TET2: variants seen among roughly 807,000 people sequenced by gnomAD.
TET2 encodes the protein methylcytosine dioxygenase TET2.
Under a neutral mutation model 142.9 loss-of-function variants are expected in TET2, and 299 were observed. The ratio of observed to expected loss-of-function variants is 2.09; its 90% CI spans 1.90 to 2.30. TET2 has a LOEUF of 2.30. Ranked by LOEUF, TET2 falls within the 30% of genes most tolerant of loss-of-function variation. The probability of loss-of-function intolerance (pLI) is 0.00; values close to 1 mark genes in which losing one functional copy is unlikely to be tolerated. For synonymous variants in TET2, 819 were observed against 849.0 expected, an observed-to-expected ratio of 0.96 and a Z score of 0.61; for missense variants, 2,418 against 2,378.0, an observed-to-expected ratio of 1.02 and a Z score of -0.35.
intron 2 of TET2, among the ~76,000 whole-genome samples, chr4:105,204,264 CACACAT>C (rs1427371785): frequency 3.2e-4 from 45 of 142,038 alleles, no homozygotes; most frequent in Non-Finnish European, 4.8e-4. Flanking sequence ...CACACACACA[CACACAT>C]ACATACATAC....
At chr4:105,222,377 T>C (rs1456343685) in intron 2 of TET2, among the ~76,000 whole-genome samples, 1 of 152,366 alleles carries the variant, frequency 6.6e-6, no homozygotes, top group Admixed American at 6.5e-5. Context: ...CCAGCACTTG[T>C]TGTGTCCTCA....
At chr4:105,208,568 C>T (rs1421715887) in intron 2 of TET2, among the ~76,000 whole-genome samples, 4 of 152,170 alleles carry the variant, frequency 2.6e-5, no homozygotes, top group Middle Eastern at 3.4e-3. Context: ...TTTAATTAGG[C>T]GTCTTTGCCA....
chr4:105,252,126 T>G (rs1729896904), intron 6 of TET2, among the ~76,000 whole-genome samples: 4 of 152,206 alleles, frequency 2.6e-5, no homozygotes, highest in Admixed American at 2.6e-4. Flanking sequence ...CATTCACCAT[T>G]ACAGTATCAT....
chr4:105,201,247 A>G (rs1726444249), intron 2 of TET2, among the ~76,000 whole-genome samples: 1 of 152,210 alleles, frequency 6.6e-6, no homozygotes, highest in Admixed American at 6.5e-5. Context: ...CCTATTAAAC[A>G]AAATTATCTC....
chr4:105,185,013 T>C (rs1174086814), intron 1 of TET2, among the ~76,000 whole-genome samples: 1 of 152,202 alleles, frequency 6.6e-6, no homozygotes, highest in East Asian at 1.9e-4. Flanking sequence ...GTCCCTTTTT[T>C]GTAACGGAAG....
Position 105,275,112 on chromosome 4 carries a change from GC to G in TET2, c.4604del (p.Pro1535HisfsTer36). Reference sequence around the variant, plus strand: ...AGCAGCCCCAGCCTCTACAGAAGCAGCCACCACAGCCCCAGCAGCAGCAGAG... The same window carrying G: ...AGCAGCCCCAGCCTCTACAGAAGCAGCACCACAGCCCCAGCAGCAGCAGAG... ...SQQPQPLQKQ[P>X]PQPQQQQRPQ... On this transcript the variant is annotated frameshift_variant, in exon 11 of 11. Coordinates refer to ENST00000380013, the MANE Select transcript of TET2 (RefSeq NM_001127208.3). LOFTEE classifies it low-confidence loss of function (END_TRUNC). 6.4e-7 allele frequency: 1 copy of G among 1,551,354 alleles called. No homozygotes were observed. The highest frequency in any genetic ancestry group is 8.7e-7 in the Non-Finnish European group (1 of 1,146,800).
intron 1 of TET2, chr4:105,147,796 C>G (rs1723099620): frequency 7.5e-6 from 1 of 133,924 alleles, no homozygotes; most frequent in South Asian, 2.6e-4. Flanking sequence ...CGTTTGGTTC[C>G]TTGGTAAGTG....
At chr4:105,255,463 G>A (rs1269433712) in intron 6 of TET2, among the ~76,000 whole-genome samples, 1 of 152,120 alleles carries the variant, frequency 6.6e-6, no homozygotes, top group East Asian at 1.9e-4. Flanking sequence ...TTCAGCTGTT[G>A]GTGGGTGGCA....
chr4:105,275,493 T>G lies in TET2; in HGVS notation c.4983T>G (p.Tyr1661Ter). ...PQSQPMDLYR[Y>*]PSQDPLSKLS... The stretch of plus-strand genomic sequence containing the variant: ...CTCAGCCGATGGATCTGTATAGGTA[T>G]CCAAGCCAAGACCCTCTGTCTAAGC... Residue 1661 changes from tyrosine to a stop codon, truncating the protein, a stop_gained, in exon 11 of 11, where the codon TAT (tyrosine) becomes TAG (stop). Coordinates refer to ENST00000380013, the MANE Select transcript of TET2 (RefSeq NM_001127208.3). LOFTEE classifies it low-confidence loss of function (END_TRUNC). The G allele has an allele frequency of 6.4e-7, 1 of 1,551,700 alleles. No homozygotes were observed. The highest frequency in any genetic ancestry group is 8.7e-7 in the Non-Finnish European group (1 of 1,146,986).
chr4:105,154,943 C>G (rs929402727), intron 1 of TET2, among the ~76,000 whole-genome samples: 3 of 151,888 alleles, frequency 2.0e-5, no homozygotes, highest in East Asian at 3.9e-4. Context: ...GAGGATGGCT[C>G]GAGCCTGGGA....
chr4:105,165,037 A>G (rs1724080871), intron 1 of TET2, among the ~76,000 whole-genome samples: 1 of 152,172 alleles, frequency 6.6e-6, no homozygotes, highest in African/African-American at 2.4e-5. Context: ...ATTTTGTATC[A>G]TATTTTCAGG....
intron 2 of TET2, among the ~76,000 whole-genome samples, chr4:105,222,991 G>C (rs1290540820): frequency 6.6e-6 from 1 of 152,076 alleles, no homozygotes; most frequent in Non-Finnish European, 1.5e-5. Context: ...CCCATTTCTT[G>C]TTTTTCTCAG....
intron 6 of TET2, among the ~76,000 whole-genome samples, chr4:105,249,077 G>A (rs79106814): frequency 0.088 from 13,142 of 149,334 alleles, 1,691 homozygotes; most frequent in African/African-American, 0.28. Context: ...GCCCAGGCTA[G>A]GGTGCAATGG....
chr4:105,223,838 A>G (rs775825761), intron 2 of TET2, among the ~76,000 whole-genome samples: 4 of 152,284 alleles, frequency 2.6e-5, no homozygotes, highest in East Asian at 1.9e-4. Context: ...AGAGAGATAC[A>G]CAGTGATTCC....
intron 4 of TET2, 46 bp from the exon 5 acceptor site, chr4:105,242,788 T>G: frequency 6.5e-7 from 1 of 1,531,716 alleles, no homozygotes; most frequent in South Asian, 1.3e-5. Flanking sequence ...CCTCTTGAAT[T>G]CATTTGCTAA....
In TET2 at chr4:105,235,427, A is replaced by G. The variant is rs774761313; in HGVS notation, c.1485A>G (p.Thr495=). 1.3e-5 allele frequency: 21 copies of G among 1,614,224 alleles called. No homozygotes were observed. Among genetic ancestry groups the G allele is most frequent in the Non-Finnish European group, 1.7e-5 (20 of 1,180,028 alleles). The change falls in exon 3 of 11, where the codon ACA becomes ACG. Residue 495 remains threonine (T), a synonymous_variant. Transcript: ENST00000380013. ...VNRNDIQTAG[T]MTVPLCSEKT... ...GGAATGACATACAGACTGCAGGGAC[A>G]ATGACTGTTCCATTGTGTTCTGAGA...
chr4:105,214,116 G>T (rs1482762677), intron 2 of TET2, among the ~76,000 whole-genome samples: 1 of 151,850 alleles, frequency 6.6e-6, no homozygotes, highest in Non-Finnish European at 1.5e-5. Context: ...CTCATAAAGT[G>T]CTAGGACAAA....
chr4:105,148,561 A>G (rs1425665004), intron 1 of TET2, among the ~76,000 whole-genome samples: 1 of 152,208 alleles, frequency 6.6e-6, no homozygotes, highest in Non-Finnish European at 1.5e-5. Context: ...GAGAAAAGAC[A>G]TTGGTTTGGT....
In TET2 at chr4:105,237,851, A is replaced by T. The variant is rs545518102; in HGVS notation, c.3409+500A>T. 3.7e-6 allele frequency: 4 copies of T among 1,084,986 alleles called. No homozygotes were observed. The African/African-American group carries it at 6.7e-5, about 18-fold the overall frequency. The allele number at this position is 1,084,986 out of a possible 1,614,324, so 67.2% of individuals were successfully genotyped here. A position where few individuals can be genotyped will look rare whatever the true frequency, so the allele number is the denominator to read the frequency against. On this transcript the variant is annotated intron_variant, in intron 3 of 10. Coordinates refer to ENST00000380013, the MANE Select transcript of TET2 (RefSeq NM_001127208.3). ...GTCTTCATGAGTTGGGGGAAATGAT[A>T]ATGCTGACACTCTTAGTGCTCCTAA...
Sources: gnomAD v4.1 joint callset for allele counts (sites outside exome capture counted in the v4.1 genomes callset) on GRCh38, gnomAD v4.1.1 for gene constraint, MANE v1.5 for transcripts, NCBI Gene and HGNC (gene_info 2026-07-23, HGNC 2026-07-21) for gene names.